C12orf42: variants seen among roughly 807,000 people sequenced by gnomAD.
The protein encoded by C12orf42 is chromosome 12 open reading frame 42.
In C12orf42, 25 loss-of-function variants were observed where a neutral mutation model predicts 21.6. The ratio of observed to expected loss-of-function variants is 1.16; its 90% CI spans 0.84 to 1.62. The LOEUF is 1.62. Among genes scored for constraint, C12orf42 ranks in the 40% most tolerant of loss-of-function variants. The probability of loss-of-function intolerance (pLI) is 0.00; values close to 1 mark genes in which losing one functional copy is unlikely to be tolerated. For missense variants in C12orf42, 483 were observed against 459.3 expected (o/e 1.05, Z -0.47); for synonymous variants, 174 against 175.0 (o/e 0.99, Z 0.05).
At chr12:103,357,974 G>A (rs994831327) in intron 4 of C12orf42, among the ~76,000 whole-genome samples, 15 of 152,154 alleles carry the variant, frequency 9.9e-5, no homozygotes, top group African/African-American at 3.6e-4. Flanking sequence ...CTCATCTTAA[G>A]CTGGATATTT....
chr12:103,181,167 C>T, the C12orf42 span, among the ~76,000 whole-genome samples: 5 of 151,834 alleles, frequency 3.3e-5, no homozygotes. Context: ...GAGGCTGAGG[C>T]AGGAGAATCA....
chr12:103,558,954 T>C, the C12orf42 span: 7 of 152,280 alleles, frequency 4.6e-5, no homozygotes, highest in Admixed American at 4.6e-4. Flanking sequence ...GGGGCCTGTG[T>C]AGGCAAAGGT....
the C12orf42 span, among the ~76,000 whole-genome samples, chr12:103,227,515 C>T: frequency 6.6e-6 from 1 of 151,968 alleles, no homozygotes; most frequent in Non-Finnish European, 1.5e-5. Flanking sequence ...GGGGTTCTTG[C>T]CCCATAGAAA....
the C12orf42 span, among the ~76,000 whole-genome samples, chr12:103,221,045 C>T: frequency 2.6e-5 from 4 of 152,184 alleles, no homozygotes; most frequent in Non-Finnish European, 5.9e-5. Context: ...AGCAGGTTTG[C>T]TTGTAGTTTT....
chr12:103,495,093 G>A (rs1384893398), intron 1 of C12orf42, among the ~76,000 whole-genome samples: 1 of 151,952 alleles, frequency 6.6e-6, no homozygotes. Flanking sequence ...CATTCCTCTG[G>A]TCTTCCAAGA....
At chr12:103,305,905 T>C in intron 5 of C12orf42, 69 bp downstream of exon 5, 2 of 1,512,426 alleles carry the variant, frequency 1.3e-6, no homozygotes, top group Non-Finnish European at 1.8e-6. Flanking sequence ...TTTCTGTTTA[T>C]ACTGAAGTTA....
the C12orf42 span, among the ~76,000 whole-genome samples, chr12:103,507,119 TTATATATAATA>T: frequency 8.4e-5 from 1 of 11,962 alleles, no homozygotes; most frequent in African/African-American, 1.1e-3. Flanking sequence ...AAATATATAT[TTATATATAATA>T]TATATTATAT....
At chr12:103,313,050 C>G (rs186050197) in intron 4 of C12orf42, among the ~76,000 whole-genome samples, 1 of 152,294 alleles carries the variant, frequency 6.6e-6, no homozygotes, top group East Asian at 1.9e-4. Context: ...TCTGTCTTTT[C>G]CTCTCTCTCA....
the C12orf42 span, among the ~76,000 whole-genome samples, chr12:103,135,012 G>A: frequency 3.3e-5 from 5 of 152,124 alleles, no homozygotes; most frequent in Non-Finnish European, 5.9e-5. Context: ...AACACTGCTA[G>A]CCAAGGGTGC....
Position 103,294,428 on chromosome 12 carries a change from G to GAGAGAAAGAAAGAA in C12orf42, n.338-17219_338-17218insTTCTTTCTTTCTCT, listed in dbSNP as rs754499754. On this transcript the variant is annotated intron_variant and non_coding_transcript_variant, in intron 4 of 6. Transcript: ENST00000546526. Reference sequence around the variant, plus strand: ...AAGAAAGAAAGAGAGAAAGGAGAGAGAGAAAGAAAGAAAGAAAGAAAGAAA... The same window carrying GAGAGAAAGAAAGAA: ...AAGAAAGAAAGAGAGAAAGGAGAGAGAGAGAAAGAAAGAAAGAAAGAAAGAAAGAAAGAAAGAAA... 2.7e-3 allele frequency among the ~76,000 whole-genome samples: 257 copies of GAGAGAAAGAAAGAA among 96,076 alleles called. 4 individuals are homozygous for GAGAGAAAGAAAGAA. The highest frequency in any genetic ancestry group is 0.011 in the African/African-American group (243 of 22,382). The allele number at this position is 96,076 out of a possible 152,430, so 63.0% of individuals were successfully genotyped here.
downstream of C12orf42, among the ~76,000 whole-genome samples, chr12:103,265,417 T>C (rs550779759): frequency 6.6e-6 from 1 of 152,208 alleles, no homozygotes; most frequent in Non-Finnish European, 1.5e-5. Context: ...ACGGAAATTA[T>C]AGAAAACTGC....
the C12orf42 span, among the ~76,000 whole-genome samples, chr12:103,114,365 T>C: frequency 1.3e-5 from 2 of 152,040 alleles, no homozygotes; most frequent in African/African-American, 4.8e-5. Context: ...ACTCAGATGG[T>C]CTGTCTCTTA....
chr12:103,228,600 C>T, the C12orf42 span, among the ~76,000 whole-genome samples: 1 of 151,946 alleles, frequency 6.6e-6, no homozygotes, highest in Non-Finnish European at 1.5e-5. Context: ...CTCATCAGGG[C>T]CTTGCAGGTG....
chr12:103,079,441 A>C, the C12orf42 span, among the ~76,000 whole-genome samples: 786 of 152,334 alleles, frequency 5.2e-3, 4 homozygotes, highest in Non-Finnish European at 8.7e-3. Context: ...GAATAATGTA[A>C]GAGAAGCTAA....
chr12:103,288,697 C>T (rs2036618821), intron 4 of C12orf42, among the ~76,000 whole-genome samples: 1 of 152,122 alleles, frequency 6.6e-6, no homozygotes, highest in Admixed American at 6.5e-5. Context: ...TCATGTCCCC[C>T]TGATACTGCT....
At chr12:103,475,280 T>C (rs1238139842) in intron 2 of C12orf42, among the ~76,000 whole-genome samples, 1 of 152,238 alleles carries the variant, frequency 6.6e-6, no homozygotes, top group Non-Finnish European at 1.5e-5. Flanking sequence ...CCCACAGTTG[T>C]GCTCTGCTAT....
chr12:103,530,285 C>T, the C12orf42 span, among the ~76,000 whole-genome samples: 1 of 152,214 alleles, frequency 6.6e-6, no homozygotes, highest in Non-Finnish European at 1.5e-5. Flanking sequence ...TGGAGCCCGG[C>T]TGACTTATGA....
At chr12:103,408,398 G>A (rs899855100) in intron 2 of C12orf42, among the ~76,000 whole-genome samples, 3 of 152,162 alleles carry the variant, frequency 2.0e-5, no homozygotes, top group African/African-American at 7.2e-5. Flanking sequence ...GTGTGGAGGT[G>A]AGGAAGTAGG....
chr12:103,544,536 G>A, the C12orf42 span, among the ~76,000 whole-genome samples: 1 of 152,112 alleles, frequency 6.6e-6, no homozygotes, highest in East Asian at 1.9e-4. Context: ...TAAATATGAA[G>A]CCTGATGTTT....
Sources: gnomAD v4.1 joint callset for allele counts (sites outside exome capture counted in the v4.1 genomes callset) on GRCh38, gnomAD v4.1.1 for gene constraint, MANE v1.5 for transcripts, NCBI Gene and HGNC (gene_info 2026-07-23, HGNC 2026-07-21) for gene names.